Variants in WWOX observed in about 807,000 individuals in gnomAD.
WWOX encodes WW domain-containing oxidoreductase.
Under a neutral mutation model 46.2 loss-of-function variants are expected in WWOX, and 69 were observed. The ratio of observed to expected loss-of-function variants is 1.49; its 90% CI spans 1.23 to 1.82. The LOEUF is 1.82. Ranked by LOEUF, WWOX falls within the 40% of genes most tolerant of loss-of-function variation. WWOX has a pLI of 0.00. For synonymous variants in WWOX, 359 were observed against 202.6 expected, an observed-to-expected ratio of 1.77 and a Z score of -6.56; for missense variants, 919 against 542.6, an observed-to-expected ratio of 1.69 and a Z score of -6.89.
chr16:78,994,969 C>CTTTTTTTTTTTTTTTTTTTTTTTTT (rs869088414), intron 8 of WWOX, among the ~76,000 whole-genome samples: 6 of 114,622 alleles, frequency 5.2e-5, no homozygotes, highest in Non-Finnish European at 8.5e-5. Context: ...TCTTCTTCTT[C>CTTTTTTTTTTTTTTTTTTTTTTTTT]TTTTTTTTTT....
rs376693947 is a variant in WWOX, at chr16:78,633,507, G to C, written c.1056+200755G>C. On this transcript the variant is annotated intron_variant, in intron 8 of 8. Transcript: ENST00000566780. Reference sequence around the variant, plus strand: ...TCAGAACTTTGGTTAGGTCCTGCCCGTGTTCTCTAGCTAACGCATGGCAAC... The same window carrying C: ...TCAGAACTTTGGTTAGGTCCTGCCCCTGTTCTCTAGCTAACGCATGGCAAC... Among the ~76,000 whole-genome samples the C allele has an allele frequency of 7.9e-5, 12 of 152,288 alleles. No individual in the cohort carries two copies. The South Asian group carries it at 2.3e-3, about 29-fold the overall frequency.
intron 5 of WWOX, among the ~76,000 whole-genome samples, chr16:78,248,591 C>A (rs1456256723): frequency 5.3e-5 from 8 of 152,040 alleles, no homozygotes; most frequent in African/African-American, 1.7e-4. Flanking sequence ...AAAAATGTAG[C>A]CAGGCGTGGC....
chr16:78,703,040 G>A (rs958576592), intron 8 of WWOX, among the ~76,000 whole-genome samples: 1 of 152,118 alleles, frequency 6.6e-6, no homozygotes, highest in African/African-American at 2.4e-5. Context: ...ATGGAATCTT[G>A]CAGTGCTTGT....
In WWOX at chr16:78,258,396, A is replaced by G. The variant is rs1471786175; in HGVS notation, c.516+94107A>G. On this transcript the variant is annotated intron_variant, in intron 5 of 8. Coordinates refer to ENST00000566780, the MANE Select transcript of WWOX (RefSeq NM_016373.4). ...CAACATGTTCTTTTTTGGTATTAACATATTGCATTGGTGTGAAAACTAAAA... is the reference window on the plus strand; with the variant it reads ...CAACATGTTCTTTTTTGGTATTAACGTATTGCATTGGTGTGAAAACTAAAA... Among the ~76,000 whole-genome samples the G allele has an allele frequency of 3.3e-5, 5 of 152,176 alleles. No homozygotes were observed. The East Asian group carries it at 9.6e-4, about 29-fold the overall frequency.
rs998653153 is a variant in WWOX, at chr16:78,511,920, C to T, written c.1056+79168C>T. ...ATCCGTTTACTGCTAAAATACCCAGCTACTTCTGTTTACACATTCTTCTGC... is the reference window on the plus strand; with the variant it reads ...ATCCGTTTACTGCTAAAATACCCAGTTACTTCTGTTTACACATTCTTCTGC... On this transcript the variant is annotated intron_variant, in intron 8 of 8. Coordinates refer to ENST00000566780, the MANE Select transcript of WWOX (RefSeq NM_016373.4). Among the ~76,000 whole-genome samples, 6 of 152,200 alleles carry T rather than the reference C, an allele frequency of 3.9e-5. No homozygotes were observed. The South Asian group carries it at 1.2e-3, about 32-fold the overall frequency.
intron 8 of WWOX, among the ~76,000 whole-genome samples, chr16:78,952,807 G>A (rs145555849): frequency 8.5e-5 from 13 of 152,304 alleles, no homozygotes; most frequent in African/African-American, 2.6e-4. Flanking sequence ...CTGTTAACAA[G>A]TGTTTATTGA....
intron 8 of WWOX, among the ~76,000 whole-genome samples, chr16:78,959,969 A>G (rs2046242428): frequency 6.6e-6 from 1 of 152,210 alleles, no homozygotes; most frequent in African/African-American, 2.4e-5. Flanking sequence ...AAGGGTGTGT[A>G]TAAGGTGAGA....
At chr16:79,126,409 G>C (rs536273737) in intron 8 of WWOX, among the ~76,000 whole-genome samples, 19 of 152,258 alleles carry the variant, frequency 1.2e-4, no homozygotes, top group Middle Eastern at 6.8e-3. Context: ...TTGATCATGG[G>C]GGTGGTTTTC....
intron 8 of WWOX, chr16:79,106,757 A>G (rs536583059): frequency 1.3e-5 from 2 of 150,336 alleles, no homozygotes; most frequent in East Asian, 2.0e-4. Context: ...AACTGAGACT[A>G]CAGGTTGTGT....
intron 8 of WWOX, among the ~76,000 whole-genome samples, chr16:78,602,961 GA>G (rs1462408898): frequency 6.6e-6 from 1 of 152,142 alleles, no homozygotes; most frequent in African/African-American, 2.4e-5. Flanking sequence ...CCATCTCCCT[GA>G]TCAGAACCAT....
intron 8 of WWOX, among the ~76,000 whole-genome samples, chr16:79,014,228 G>T (rs2047368540): frequency 6.6e-6 from 1 of 152,164 alleles, no homozygotes; most frequent in Non-Finnish European, 1.5e-5. Context: ...GGTGGTCATG[G>T]GAGTAGTGGT....
At chr16:78,598,627 G>C (rs546840085) in intron 8 of WWOX, among the ~76,000 whole-genome samples, 5 of 152,236 alleles carry the variant, frequency 3.3e-5, no homozygotes, top group Non-Finnish European at 7.4e-5. Flanking sequence ...GCATTTGGCA[G>C]GCAAACGTTT....
intron 5 of WWOX, among the ~76,000 whole-genome samples, chr16:78,279,129 A>C (rs1386983887): frequency 6.6e-6 from 1 of 152,194 alleles, no homozygotes; most frequent in Non-Finnish European, 1.5e-5. Context: ...CTTTTTGAAT[A>C]AGTAGAAAAA....
At chr16:78,741,306 A>G (rs1255526088) in intron 8 of WWOX, among the ~76,000 whole-genome samples, 1 of 152,222 alleles carries the variant, frequency 6.6e-6, no homozygotes, top group African/African-American at 2.4e-5. Flanking sequence ...CACGCCTGTA[A>G]TCCCAGCATT....
intron 8 of WWOX, among the ~76,000 whole-genome samples, chr16:79,076,376 G>C (rs1391064034): frequency 2.0e-5 from 3 of 152,176 alleles, no homozygotes; most frequent in East Asian, 3.8e-4. Flanking sequence ...AATTCACAAA[G>C]TGTTCATTCT....
intron 8 of WWOX, among the ~76,000 whole-genome samples, chr16:79,148,948 C>G (rs1306909067): frequency 6.6e-6 from 1 of 151,902 alleles, no homozygotes; most frequent in Non-Finnish European, 1.5e-5. Context: ...TTTGAGATTT[C>G]TTGGGATTTT....
chr16:78,892,495 C>T (rs1329455906), intron 8 of WWOX, among the ~76,000 whole-genome samples: 1 of 152,116 alleles, frequency 6.6e-6, no homozygotes, highest in African/African-American at 2.4e-5. Context: ...ACAGGTCACC[C>T]CCGCTGTCCA....
chr16:78,362,562 TG>T lies in WWOX; in HGVS notation c.517-24296del, dbSNP rs548926074. 1.7e-4 allele frequency among the ~76,000 whole-genome samples: 26 copies of T among 152,128 alleles called. No homozygotes were observed. In the South Asian group the frequency reaches 5.4e-3, roughly 32 times the overall value. On this transcript the variant is annotated intron_variant, in intron 5 of 8. Coordinates refer to ENST00000566780, the MANE Select transcript of WWOX (RefSeq NM_016373.4). ...AGGTGGAGGTAGCAGTGAGCTGAGA[TG>T]GCACCACTGCACTCCAGCCTGGGCA...
chr16:78,594,429 G>GCCCCCCCCCCCCCCCCCCC (rs138806967), intron 8 of WWOX, among the ~76,000 whole-genome samples: 9 of 32,394 alleles, frequency 2.8e-4, no homozygotes, highest in African/African-American at 1.1e-3. Flanking sequence ...CTGAGGAAAG[G>GCCCCCCCCCCCCCCCCCCC]CCCCCCCCCC....
Sources: gnomAD v4.1 joint callset for allele counts (sites outside exome capture counted in the v4.1 genomes callset) on GRCh38, gnomAD v4.1.1 for gene constraint, MANE v1.5 for transcripts, NCBI Gene and HGNC (gene_info 2026-07-23, HGNC 2026-07-21) for gene names.